The following KTN1 variants were observed in gnomAD, a reference collection of about 807,000 sequenced individuals.
KTN1 encodes the protein kinectin.
Under a neutral mutation model 222.5 loss-of-function variants are expected in KTN1, and 130 were observed. The ratio of observed to expected loss-of-function variants is 0.58; its 90% CI spans 0.51 to 0.68. The LOEUF is 0.68. Among genes scored for constraint, KTN1 ranks in the 30% least tolerant of loss-of-function variants. KTN1 has a pLI of 0.00. For synonymous variants in KTN1, 512 were observed against 496.3 expected, an observed-to-expected ratio of 1.03 and a Z score of -0.42; for missense variants, 1,508 against 1,500.4, an observed-to-expected ratio of 1.01 and a Z score of -0.08.
chr14:55,652,811 T>G (rs768410797), intron 25 of KTN1, 39 bp from the exon 26 acceptor site: 1 of 1,443,654 alleles, frequency 6.9e-7, no homozygotes, highest in Non-Finnish European at 9.5e-7. Context: ...TATGGTCATG[T>G]AACATTTTCA....
intron 6 of KTN1, among the ~76,000 whole-genome samples, chr14:55,629,064 TAATATTTGTTC>T (rs775573186): frequency 2.8e-4 from 43 of 152,288 alleles, no homozygotes; most frequent in Admixed American, 5.9e-4. Context: ...CTTTGATAAT[TAATATTTGTTC>T]TAGGAGTTCA....
At chr14:55,600,390 ACCCTG>A (rs1566679524) in intron 1 of KTN1, among the ~76,000 whole-genome samples, 1 of 152,110 alleles carries the variant, frequency 6.6e-6, no homozygotes, top group African/African-American at 2.4e-5. Context: ...TATTAAGACT[ACCCTG>A]TGGTAGTGGG....
chr14:55,633,314 G>C lies in KTN1; in HGVS notation c.1301G>C (p.Ser434Thr). ...AATGGTATACTGAGAGATGCAGTCA[G>C]CAACACTACAAATCAACTGGAAAGC... The part of the protein sequence containing the change: ...QENGILRDAV[S>T]NTTNQLESKQ... The change falls in exon 8 of 44, where the codon AGC becomes ACC. Residue 434 changes from serine to threonine, a missense_variant. Physicochemically the swap from Ser to Thr is moderately conservative, Grantham distance 58. Coordinates refer to ENST00000395314, the MANE Select transcript of KTN1 (RefSeq NM_001079521.2). The C allele has an allele frequency of 6.3e-7, 1 of 1,580,970 alleles. No homozygotes were observed. Among genetic ancestry groups the C allele is most frequent in the Non-Finnish European group, 8.6e-7 (1 of 1,162,696 alleles).
At chr14:55,668,310 T>C (rs988017012) in intron 34 of KTN1, 1 of 152,122 alleles carries the variant, frequency 6.6e-6, no homozygotes, top group Non-Finnish European at 1.5e-5. Flanking sequence ...CTCTTAGATA[T>C]TTTTTAATCC....
intron 33 of KTN1, 29 bp from the exon 34 acceptor site, chr14:55,667,212 A>T (rs2044878496): frequency 7.7e-7 from 1 of 1,290,686 alleles, no homozygotes; most frequent in African/African-American, 1.5e-5. Context: ...TGATCTTGTA[A>T]GTTTGATTTG....
intron 1 of KTN1, among the ~76,000 whole-genome samples, chr14:55,591,243 T>G (rs990127267): frequency 7.9e-5 from 12 of 152,230 alleles, no homozygotes; most frequent in Admixed American, 5.9e-4. Context: ...AGGTATACTA[T>G]TCCATGCTGT....
intron 42 of KTN1, 107 bp downstream of exon 42, chr14:55,678,551 A>ATCCT: frequency 1.4e-6 from 1 of 705,926 alleles, no homozygotes; most frequent in East Asian, 2.6e-5. Flanking sequence ...TCTTGAAAAT[A>ATCCT]TCCTGTCCCT....
At chr14:55,655,996 T>G in intron 28 of KTN1, 46 bp from the exon 29 acceptor site, 5 of 1,194,572 alleles carry the variant, frequency 4.2e-6, no homozygotes, top group Non-Finnish European at 6.0e-6. Flanking sequence ...CTGGTTTTCC[T>G]TTTTTATGTA....
intron 1 of KTN1, among the ~76,000 whole-genome samples, chr14:55,583,619 A>G (rs148222793): frequency 3.3e-5 from 5 of 151,996 alleles, no homozygotes; most frequent in Non-Finnish European, 7.4e-5. Context: ...TACATCTTCT[A>G]CTCTTAAACT....
chr14:55,636,074 A>G (rs2041090066), intron 9 of KTN1, among the ~76,000 whole-genome samples: 1 of 152,210 alleles, frequency 6.6e-6, no homozygotes, highest in African/African-American at 2.4e-5. Flanking sequence ...ACTTAGATTT[A>G]GCAATAAAGA....
rs1461460735 is a variant in KTN1 at position 55,592,812 on chromosome 14, TTCTATGTATACAGCTTG to T, written c.-31+12460_-31+12476del. On this transcript the variant is annotated intron_variant, in intron 1 of 43. Coordinates refer to ENST00000395314, the MANE Select transcript of KTN1 (RefSeq NM_001079521.2). Reference sequence around the variant, plus strand: ...GTATTTTGAATATGTATGGACAAACTTCTATGTATACAGCTTGTACTTAGAGTATACTTACAGTATGA... The same window carrying T: ...GTATTTTGAATATGTATGGACAAACTTACTTAGAGTATACTTACAGTATGA... Among the ~76,000 whole-genome samples, 5 of 152,332 alleles carry T rather than the reference TTCTATGTATACAGCTTG, an allele frequency of 3.3e-5. No individual in the cohort carries two copies. In the East Asian group the frequency reaches 7.7e-4, roughly 23 times the overall value.
chr14:55,652,589 C>CG (rs1374197739), intron 25 of KTN1, among the ~76,000 whole-genome samples: 1 of 151,772 alleles, frequency 6.6e-6, no homozygotes, highest in Admixed American at 6.6e-5. Context: ...TTAGTAGAGA[C>CG]GGGGTTTCAC....
intron 1 of KTN1, among the ~76,000 whole-genome samples, chr14:55,608,182 C>T (rs1283878689): frequency 2.0e-5 from 3 of 152,080 alleles, no homozygotes; most frequent in Non-Finnish European, 4.4e-5. Context: ...TTGTTCTTCC[C>T]TGAATTTTCC....
At chr14:55,637,412 T>A (rs1393352495) in intron 11 of KTN1, 48 bp downstream of exon 11, 9 of 1,307,650 alleles carry the variant, frequency 6.9e-6, no homozygotes, top group Non-Finnish European at 9.4e-6. Flanking sequence ...GGTGGTCACT[T>A]ATTAGATCTG....
chr14:55,617,880 C>T, intron 3 of KTN1, 84 bp from the exon 4 acceptor site: 3 of 1,001,674 alleles, frequency 3.0e-6, no homozygotes, highest in Non-Finnish European at 4.3e-6. Context: ...AAAAGAACTG[C>T]ATTTATCATT....
chr14:55,639,134 A>G lies in KTN1; in HGVS notation c.1786-51A>G, dbSNP rs527362782. 25 of 1,233,544 alleles carry G rather than the reference A, an allele frequency of 2.0e-5. No homozygotes were observed. In the African/African-American group the frequency reaches 3.1e-4, roughly 15 times the overall value. 76.4% of individuals were successfully genotyped at this position (1,233,544 alleles called of 1,614,324 possible). On this transcript the variant is annotated intron_variant, in intron 12 of 43. Transcript: ENST00000395314. ...AAGCTGTTATGATTATTGTATAGCT[A>G]TAAAGCTTTCTCTTAAATACTTTTA...
Position 55,641,729 on chromosome 14 carries a change from T to C in KTN1, c.2141T>C (p.Val714Ala). Reference protein sequence around the residue: ...NDQNKALKSEVQKLQTLVSEQ... With the variant: ...NDQNKALKSEAQKLQTLVSEQ... ...CAAAACAAAGCATTAAAATCAGAAG[T>C]TCAGAAGCTACAGACTCTTGTTTCT... The change falls in exon 18 of 44, where the codon GTT becomes GCT. Residue 714 changes from valine (V) to alanine (A), a missense_variant. By Grantham distance (64) the Val-to-Ala change is moderately conservative. Coordinates refer to ENST00000395314, the MANE Select transcript of KTN1 (RefSeq NM_001079521.2). 1 of 1,604,014 alleles carries C rather than the reference T, an allele frequency of 6.2e-7. No homozygotes were observed.
At position 55,653,100 on chromosome 14, in the gene KTN1, A is replaced by T. The variant is rs111938411; in HGVS notation, c.2763+15A>T. ...ACTTGAAAGAGGTATAGTATAAACA[A>T]ATTACCAACATGTTACATAAGGAAT... On this transcript the variant is annotated intron_variant, in intron 27 of 43. Transcript: ENST00000395314. The T allele has an allele frequency of 3.4e-6, 5 of 1,449,324 alleles. No homozygotes were observed. The highest frequency in any genetic ancestry group is 4.8e-6 in the Non-Finnish European group (5 of 1,037,116). 89.8% of individuals were successfully genotyped at this position (1,449,324 alleles called of 1,614,324 possible). A position where few individuals can be genotyped will look rare whatever the true frequency, so the allele number is the denominator to read the frequency against.
rs761630509 is a variant in KTN1 at position 55,672,730 on chromosome 14, C to T, written c.3603+29C>T. On this transcript the variant is annotated intron_variant, in intron 38 of 43. Transcript: ENST00000395314. Reference sequence around the variant, plus strand: ...TGTTATTTGATTGTTTTACTTGTAACCTATGGATTTGTTTTTAGCATTAAC... The same window carrying T: ...TGTTATTTGATTGTTTTACTTGTAATCTATGGATTTGTTTTTAGCATTAAC... 9.7e-6 allele frequency: 14 copies of T among 1,440,362 alleles called. No individual in the cohort carries two copies. The Admixed American group carries it at 2.0e-4, about 21-fold the overall frequency. 89.2% of individuals were successfully genotyped at this position (1,440,362 alleles called of 1,614,324 possible). A position where few individuals can be genotyped will look rare whatever the true frequency, so the allele number is the denominator to read the frequency against.
Sources: allele counts gnomAD v4.1 joint callset (sites outside exome capture counted in the v4.1 genomes callset), GRCh38; gene constraint gnomAD v4.1.1; transcripts MANE v1.5; gene names NCBI Gene and HGNC (gene_info 2026-07-23, HGNC 2026-07-21).